Variants in PCDHA6 observed in about 807,000 individuals in gnomAD.
The protein encoded by PCDHA6 is protocadherin alpha 6, also known as protocadherin alpha-6.
Under a neutral mutation model 60.3 loss-of-function variants are expected in PCDHA6, and 55 were observed. The ratio of observed to expected loss-of-function variants is 0.91; its 90% CI spans 0.73 to 1.14. The LOEUF (loss-of-function observed/expected upper bound fraction) is 1.14. Ranked by LOEUF, PCDHA6 falls within the 50% of genes most tolerant of loss-of-function variation. The pLI, the probability that PCDHA6 is intolerant of heterozygous loss-of-function variation, is 0.00. For missense variants in PCDHA6, 1,327 were observed against 1,256.5 expected, an observed-to-expected ratio of 1.06 and a Z score of -0.85; for synonymous variants, 652 against 557.9, an observed-to-expected ratio of 1.17 and a Z score of -2.38.
intron 1 of PCDHA6, chr5:140,871,710 C>A: frequency 3.6e-6 from 3 of 826,484 alleles, no homozygotes; most frequent in South Asian, 4.5e-5. Flanking sequence ...AATAAATGTC[C>A]TATTTCTCTT....
intron 1 of PCDHA6, chr5:140,968,494 C>G (rs782064203): frequency 1.2e-6 from 2 of 1,614,096 alleles, no homozygotes; most frequent in South Asian, 2.2e-5. Flanking sequence ...ATGACCATGC[C>G]CCTCACATTC....
In PCDHA6 at chr5:140,848,788, G is replaced by A. The variant is rs2150420579; in HGVS notation, c.2394+18303G>A. 23 of 1,593,058 alleles carry A rather than the reference G, an allele frequency of 1.4e-5. 3 individuals are homozygous for A. Among genetic ancestry groups the A allele is most frequent in the African/African-American group, 1.3e-5 (1 of 74,170 alleles). On this transcript the variant is annotated intron_variant, in intron 1 of 3. Coordinates refer to ENST00000529310, the MANE Select transcript of PCDHA6 (RefSeq NM_018909.4). ...ATCGACCGCGAGGAGCTGTGCGGGCGGAGCGCGGAGTGCAGCATCCACCTG... is the reference window on the plus strand; with the variant it reads ...ATCGACCGCGAGGAGCTGTGCGGGCAGAGCGCGGAGTGCAGCATCCACCTG...
At chr5:140,925,671 A>AATAATAATAATAATAATG (rs1445697337) in intron 1 of PCDHA6, among the ~76,000 whole-genome samples, 3 of 148,150 alleles carry the variant, frequency 2.0e-5, no homozygotes, top group African/African-American at 7.5e-5. Flanking sequence ...TAATAATAAT[A>AATAATAATAATAATAATG]ATAATAAAGC....
At chr5:140,902,953 C>T (rs549407032) in intron 1 of PCDHA6, among the ~76,000 whole-genome samples, 24 of 152,278 alleles carry the variant, frequency 1.6e-4, no homozygotes, top group East Asian at 1.3e-3. Flanking sequence ...TCTTTATCCA[C>T]TTGTTGGCTG....
intron 1 of PCDHA6, chr5:140,875,861 C>T (rs2055878739): frequency 6.2e-7 from 1 of 1,614,020 alleles, no homozygotes; most frequent in Non-Finnish European, 8.5e-7. Context: ...AACGACAACC[C>T]GCCGGTGTTC....
chr5:141,007,722 A>G (rs559470783), intron 3 of PCDHA6, among the ~76,000 whole-genome samples: 30 of 152,290 alleles, frequency 2.0e-4, no homozygotes, highest in African/African-American at 6.5e-4. Flanking sequence ...ACCAGGGAGA[A>G]CAAAGGTTAA....
intron 1 of PCDHA6, among the ~76,000 whole-genome samples, chr5:140,964,721 CA>C (rs1340678918): frequency 1.3e-5 from 2 of 151,598 alleles, no homozygotes; most frequent in African/African-American, 4.9e-5. Flanking sequence ...CAAATTACCA[CA>C]GCAAACTGAG....
At chr5:140,929,492 G>A in intron 1 of PCDHA6, 1 of 1,062,164 alleles carries the variant, frequency 9.4e-7, no homozygotes, top group Non-Finnish European at 1.3e-6. Context: ...AGTATTAGAA[G>A]ATTGCCCTAG....
chr5:140,850,416 G>T, intron 1 of PCDHA6: 1 of 1,598,000 alleles, frequency 6.3e-7, no homozygotes, highest in Non-Finnish European at 8.6e-7. Flanking sequence ...GGACGAAACG[G>T]ACGCACCGCG....
At chr5:140,846,304 C>T (rs183413454) in intron 1 of PCDHA6, among the ~76,000 whole-genome samples, 1 of 148,754 alleles carries the variant, frequency 6.7e-6, no homozygotes, top group East Asian at 1.9e-4. Flanking sequence ...ATTAAGTAAA[C>T]CATTTATGTA....
rs114181547 is a variant in PCDHA6, at chr5:140,916,746, T to C, written c.2395-62203T>C. Among the ~76,000 whole-genome samples, 1,217 of 152,314 alleles carry C rather than the reference T, an allele frequency of 8.0e-3. 6 individuals carry two copies. Among genetic ancestry groups the C allele is most frequent in the African/African-American group, 0.019 (786 of 41,576 alleles). ...TTTTGTTGCTGCAAGCTTCACTGCC[T>C]GGGATTAGGGGAGGGGTGGCACAAG... On this transcript the variant is annotated intron_variant, in intron 1 of 3. Coordinates refer to ENST00000529310, the MANE Select transcript of PCDHA6 (RefSeq NM_018909.4).
At chr5:140,836,282 G>A in intron 1 of PCDHA6, 2 of 1,613,808 alleles carry the variant, frequency 1.2e-6, no homozygotes, top group Non-Finnish European at 1.7e-6. Context: ...AGATCAGCAC[G>A]ACACGAGCCC....
intron 1 of PCDHA6, chr5:140,968,630 TA>T: frequency 6.2e-7 from 1 of 1,614,192 alleles, no homozygotes; most frequent in Non-Finnish European, 8.5e-7. Flanking sequence ...TTGGCTTTTT[TA>T]CCATCTAGCC....
chr5:140,963,177 T>A (rs1002604435), intron 1 of PCDHA6, among the ~76,000 whole-genome samples: 1 of 152,194 alleles, frequency 6.6e-6, no homozygotes, highest in East Asian at 1.9e-4. Flanking sequence ...CTTACAGATA[T>A]GCTGTAGACT....
chr5:141,009,627 A>G lies in PCDHA6; in HGVS notation c.2543A>G (p.Glu848Gly), dbSNP rs782179145. 6.2e-7 allele frequency: 1 copy of G among 1,612,842 alleles called. No individual in the cohort carries two copies. The highest frequency in any genetic ancestry group is 1.1e-5 in the South Asian group (1 of 90,980). The change falls in exon 4 of 4, where the codon GAA becomes GGA. Residue 848 changes from glutamate (E) to glycine (G), a missense_variant and splice_region_variant. By Grantham distance (98) the Glu-to-Gly change is moderately conservative (BLOSUM62 -2). Coordinates refer to ENST00000529310, the MANE Select transcript of PCDHA6 (RefSeq NM_018909.4). Reference protein sequence around the residue: ...QWPTVSSATPEPEAGEVSPPV... With the variant: ...QWPTVSSATPGPEAGEVSPPV... ...TGATTTGTAATGTTTTGTCTTTCAGAACCAGAGGCAGGAGAAGTGTCCCCT... is the reference window on the plus strand; with the variant it reads ...TGATTTGTAATGTTTTGTCTTTCAGGACCAGAGGCAGGAGAAGTGTCCCCT...
chr5:140,988,025 G>A (rs1305100946), intron 3 of PCDHA6, among the ~76,000 whole-genome samples: 1 of 152,136 alleles, frequency 6.6e-6, no homozygotes, highest in African/African-American at 2.4e-5. Context: ...TGATTCTTAA[G>A]TTTTTTAGAA....
chr5:140,882,942 C>T (rs2059373370), intron 1 of PCDHA6: 1 of 1,614,224 alleles, frequency 6.2e-7, no homozygotes. Flanking sequence ...CTGACTGGCA[C>T]AGTTCAGCTG....
intron 1 of PCDHA6, among the ~76,000 whole-genome samples, chr5:140,891,857 C>G (rs1202628035): frequency 6.6e-6 from 1 of 152,194 alleles, no homozygotes; most frequent in Non-Finnish European, 1.5e-5. Context: ...GCCTGTCCCT[C>G]TCTTATGCTT....
chr5:140,926,373 G>A (rs1040164585), intron 1 of PCDHA6: 3 of 152,370 alleles, frequency 2.0e-5, no homozygotes, highest in African/African-American at 4.8e-5. Context: ...GGCAGGAAGA[G>A]CCCAGCTGGG....
Sources: allele counts gnomAD v4.1 joint callset (sites outside exome capture counted in the v4.1 genomes callset), GRCh38; gene constraint gnomAD v4.1.1; transcripts MANE v1.5; gene names NCBI Gene and HGNC (gene_info 2026-07-23, HGNC 2026-07-21).